GPHN: variants seen among roughly 807,000 people sequenced by gnomAD.
GPHN encodes gephyrin.
GPHN carries 17 observed loss-of-function variants against 95.5 expected under a neutral mutation model. That is an observed-to-expected ratio of 0.18 (90% CI 0.12 to 0.27). The LOEUF is 0.27. GPHN is among the 10% of genes least tolerant of loss of function. The pLI is 1.00. For synonymous variants in GPHN, 320 were observed against 322.5 expected, an observed-to-expected ratio of 0.99 and a Z score of 0.08; for missense variants, 660 against 978.1, an observed-to-expected ratio of 0.67 and a Z score of 4.34.
intron 17 of GPHN, among the ~76,000 whole-genome samples, chr14:67,124,022 C>G (rs1189833978): frequency 6.6e-6 from 1 of 151,418 alleles, no homozygotes; most frequent in African/African-American, 2.4e-5. Context: ...TTTTTTCTTT[C>G]TCTGAGGACA....
At chr14:67,354,042 A>T in the GPHN span, 1 of 152,080 alleles carries the variant, frequency 6.6e-6, no homozygotes, top group Non-Finnish European at 1.5e-5. Context: ...ATAACACAGC[A>T]AGAAGGCCCT....
intron 10 of GPHN, among the ~76,000 whole-genome samples, chr14:67,034,733 A>G (rs1331984422): frequency 6.6e-6 from 1 of 152,152 alleles, no homozygotes; most frequent in Admixed American, 6.5e-5. Flanking sequence ...AGAAATATAT[A>G]ACAATTATAA....
the GPHN span, chr14:67,353,126 C>T: frequency 3.0e-6 from 3 of 1,011,956 alleles, no homozygotes; most frequent in Non-Finnish European, 4.4e-6. Flanking sequence ...TAAAATTATC[C>T]TTTATCCTTT....
chr14:67,340,721 C>G, the GPHN span, among the ~76,000 whole-genome samples: 3 of 152,178 alleles, frequency 2.0e-5, no homozygotes, highest in Non-Finnish European at 4.4e-5. Flanking sequence ...CCTCTGATGC[C>G]GAGCCGAAGC....
At position 66,767,979 on chromosome 14, in the gene GPHN, A is replaced by G. The variant is rs79848343; in HGVS notation, c.144-8485A>G. On this transcript the variant is annotated intron_variant, in intron 2 of 22. Transcript: ENST00000478722. ...TACGAATTGCCAACAAAAGTTCAAA[A>G]CAATATAAATAATAGTACACAAATG... 3.1e-3 allele frequency among the ~76,000 whole-genome samples: 476 copies of G among 152,074 alleles called. 12 individuals carry two copies. The highest frequency in any genetic ancestry group is 0.011 in the African/African-American group (452 of 41,556).
At chr14:67,332,371 T>A in the GPHN span, among the ~76,000 whole-genome samples, 1 of 152,202 alleles carries the variant, frequency 6.6e-6, no homozygotes, top group African/African-American at 2.4e-5. Flanking sequence ...GTAAATGGCA[T>A]TTTAGGTCCT....
intron 4 of GPHN, among the ~76,000 whole-genome samples, chr14:66,848,385 T>G (rs2153514154): frequency 6.6e-6 from 1 of 152,184 alleles, no homozygotes. Context: ...ATCCAATGCT[T>G]TCTGATCAAA....
chr14:67,281,197 C>T, the GPHN span, among the ~76,000 whole-genome samples: 5 of 152,000 alleles, frequency 3.3e-5, no homozygotes, highest in Admixed American at 6.6e-5. Flanking sequence ...GTGCCCGTCT[C>T]AAGTCTGGAG....
At chr14:67,659,583 C>T in the GPHN span, 20 of 751,678 alleles carry the variant, frequency 2.7e-5, no homozygotes, top group African/African-American at 3.4e-4. Flanking sequence ...GTAACAGGAA[C>T]TGGATGCAGA....
the GPHN span, chr14:67,714,547 G>T: frequency 6.2e-6 from 1 of 161,424 alleles, no homozygotes; most frequent in South Asian, 1.6e-4. Context: ...TCTCCAAAAT[G>T]AGGAACACTA....
At chr14:66,654,220 A>G (rs2153367877) in intron 1 of GPHN, among the ~76,000 whole-genome samples, 1 of 152,124 alleles carries the variant, frequency 6.6e-6, no homozygotes, top group African/African-American at 2.4e-5. Flanking sequence ...CGTGTGACTC[A>G]GTCTCCCAAG....
chr14:67,698,326 C>T, the GPHN span, among the ~76,000 whole-genome samples: 1 of 152,186 alleles, frequency 6.6e-6, no homozygotes, highest in African/African-American at 2.4e-5. Flanking sequence ...ATTAGCTAGG[C>T]ATGGTGGTAC....
intron 8 of GPHN, among the ~76,000 whole-genome samples, chr14:66,951,517 A>G (rs2068109586): frequency 1.3e-5 from 2 of 150,720 alleles, no homozygotes; most frequent in Non-Finnish European, 3.0e-5. Flanking sequence ...TTCATCTCAA[A>G]AAAAAAAAAA....
chr14:67,231,692 G>A, the GPHN span, among the ~76,000 whole-genome samples: 5 of 152,288 alleles, frequency 3.3e-5, no homozygotes, highest in Admixed American at 2.6e-4. Flanking sequence ...AATAGGCCAA[G>A]CTCAGTGGCT....
chr14:67,112,201 GA>G (rs2078416798), intron 15 of GPHN, among the ~76,000 whole-genome samples: 1 of 152,064 alleles, frequency 6.6e-6, no homozygotes, highest in African/African-American at 2.4e-5. Flanking sequence ...AGATAATCCA[GA>G]ATTACCCAAT....
chr14:66,526,196 T>TTCCTCTTTAC (rs1256633797), intron 1 of GPHN, among the ~76,000 whole-genome samples: 1 of 152,180 alleles, frequency 6.6e-6, no homozygotes, highest in African/African-American at 2.4e-5. Context: ...AAAGAGGTCC[T>TTCCTCTTTAC]TCACATCCGT....
intron 8 of GPHN, among the ~76,000 whole-genome samples, chr14:66,955,501 C>CT (rs2068431814): frequency 1.3e-5 from 2 of 152,012 alleles, no homozygotes; most frequent in African/African-American, 4.8e-5. Flanking sequence ...TAATTTGAAT[C>CT]TTTTTCTCTT....
the GPHN span, chr14:67,387,256 ACT>A: frequency 9.6e-6 from 14 of 1,452,536 alleles, no homozygotes; most frequent in Non-Finnish European, 8.4e-6. Context: ...AAGTCTTAAC[ACT>A]CCCATTCTCC....
At chr14:67,283,127 T>G in the GPHN span, among the ~76,000 whole-genome samples, 1 of 152,258 alleles carries the variant, frequency 6.6e-6, no homozygotes, top group East Asian at 1.9e-4. Flanking sequence ...GATTAGGGGC[T>G]TTCTAATCTA....
Sources: allele counts gnomAD v4.1 joint callset (sites outside exome capture counted in the v4.1 genomes callset), GRCh38; gene constraint gnomAD v4.1.1; transcripts MANE v1.5; gene names NCBI Gene and HGNC (gene_info 2026-07-23, HGNC 2026-07-21).